REDIC1: variants seen among roughly 807,000 people sequenced by gnomAD.
REDIC1 encodes regulator of DNA class I crossover intermediates 1.
the REDIC1 span, among the ~76,000 whole-genome samples, chr12:39,665,369 G>T: frequency 6.6e-6 from 1 of 152,152 alleles, no homozygotes; most frequent in Non-Finnish European, 1.5e-5. Flanking sequence ...GTTTGTCAAA[G>T]ATCAGATGGT....
the REDIC1 span, among the ~76,000 whole-genome samples, chr12:39,710,593 G>C: frequency 6.6e-6 from 1 of 151,648 alleles, no homozygotes; most frequent in African/African-American, 2.4e-5. Flanking sequence ...CCATATGTTA[G>C]TTTTTCATAT....
chr12:39,768,460 C>G, the REDIC1 span, among the ~76,000 whole-genome samples: 2 of 152,110 alleles, frequency 1.3e-5, no homozygotes, highest in Non-Finnish European at 2.9e-5. Flanking sequence ...TTTCAATATG[C>G]CTTCCTCATT....
At chr12:39,711,159 G>A in the REDIC1 span, among the ~76,000 whole-genome samples, 2 of 151,136 alleles carry the variant, frequency 1.3e-5, no homozygotes, top group Admixed American at 6.6e-5. Flanking sequence ...TCCCATTCCT[G>A]AGTTATTTCA....
chr12:39,727,233 T>G, the REDIC1 span, among the ~76,000 whole-genome samples: 1 of 152,222 alleles, frequency 6.6e-6, no homozygotes, highest in Non-Finnish European at 1.5e-5. Context: ...CCCATGCCTA[T>G]GTCCTGAATG....
At chr12:39,838,591 C>T in the REDIC1 span, among the ~76,000 whole-genome samples, 20 of 150,642 alleles carry the variant, frequency 1.3e-4, no homozygotes, top group Non-Finnish European at 1.9e-4. Context: ...ACAAAACTGG[C>T]TCTAAAACCT....
At chr12:39,683,762 C>T in the REDIC1 span, among the ~76,000 whole-genome samples, 6 of 151,536 alleles carry the variant, frequency 4.0e-5, no homozygotes, top group Non-Finnish European at 7.4e-5. Flanking sequence ...AAACTCATAT[C>T]CGCCAGAATG....
chr12:39,724,354 T>C, the REDIC1 span, among the ~76,000 whole-genome samples: 1 of 152,176 alleles, frequency 6.6e-6, no homozygotes, highest in South Asian at 2.1e-4. Context: ...CAGTAGGTCC[T>C]GGGAATCTGT....
chr12:39,713,097 G>A, the REDIC1 span, among the ~76,000 whole-genome samples: 5 of 147,704 alleles, frequency 3.4e-5, no homozygotes, highest in Non-Finnish European at 7.5e-5. Context: ...GTGTAGATAT[G>A]TGCATATACG....
the REDIC1 span, among the ~76,000 whole-genome samples, chr12:39,841,390 C>G: frequency 6.2e-3 from 942 of 152,190 alleles, 12 homozygotes; most frequent in African/African-American, 0.021. Context: ...CACCAATGAA[C>G]TCTCTAATGG....
the REDIC1 span, among the ~76,000 whole-genome samples, chr12:39,639,841 T>G: frequency 0.45 from 68,265 of 151,764 alleles, 16,289 homozygotes; most frequent in Non-Finnish European, 0.51. Flanking sequence ...CAGTGTCATT[T>G]TACTTATTCT....
At chr12:39,645,679 A>G in the REDIC1 span, among the ~76,000 whole-genome samples, 14 of 152,128 alleles carry the variant, frequency 9.2e-5, no homozygotes, top group African/African-American at 3.1e-4. Context: ...TTTTGCTTAT[A>G]ACTAGCAGAA....
the REDIC1 span, among the ~76,000 whole-genome samples, chr12:39,811,710 A>G: frequency 2.0e-5 from 3 of 152,188 alleles, no homozygotes; most frequent in African/African-American, 4.8e-5. Context: ...CCACTTTATT[A>G]TAAGCCATCC....
At chr12:39,763,405 A>G in the REDIC1 span, among the ~76,000 whole-genome samples, 143 of 152,220 alleles carry the variant, frequency 9.4e-4, 2 homozygotes, top group African/African-American at 3.2e-3. Context: ...CATATTCACC[A>G]TTCATCTGCA....
the REDIC1 span, among the ~76,000 whole-genome samples, chr12:39,884,019 G>A: frequency 2.0e-5 from 3 of 152,236 alleles, no homozygotes; most frequent in East Asian, 5.8e-4. Flanking sequence ...CCTATAATAA[G>A]CATGTATTAT....
the REDIC1 span, among the ~76,000 whole-genome samples, chr12:39,834,555 A>AAACT: frequency 2.0e-5 from 3 of 152,014 alleles, no homozygotes; most frequent in Non-Finnish European, 4.4e-5. Flanking sequence ...AAAGCATGAA[A>AAACT]AACTATTCCT....
the REDIC1 span, among the ~76,000 whole-genome samples, chr12:39,890,574 T>C: frequency 6.6e-6 from 1 of 152,234 alleles, no homozygotes; most frequent in African/African-American, 2.4e-5. Flanking sequence ...CTGTCAGATT[T>C]CTGACATACT....
At chr12:39,688,932 G>GA in the REDIC1 span, among the ~76,000 whole-genome samples, 319 of 152,192 alleles carry the variant, frequency 2.1e-3, 1 homozygote, top group Non-Finnish European at 7.9e-4. Flanking sequence ...GAGGTGGCAG[G>GA]AAAAAGGTTA....
chr12:39,705,229 C>G, the REDIC1 span, among the ~76,000 whole-genome samples: 2 of 151,836 alleles, frequency 1.3e-5, no homozygotes, highest in South Asian at 4.2e-4. Flanking sequence ...AGGACAAATT[C>G]CTAGACACAC....
the REDIC1 span, among the ~76,000 whole-genome samples, chr12:39,700,084 A>T: frequency 6.6e-6 from 1 of 152,368 alleles, no homozygotes; most frequent in Middle Eastern, 3.4e-3. Context: ...ACAAAGCTGG[A>T]CGGAGAATGA....
Sources: allele counts gnomAD v4.1 joint callset (sites outside exome capture counted in the v4.1 genomes callset), GRCh38; gene constraint gnomAD v4.1.1; transcripts MANE v1.5; gene names NCBI Gene and HGNC (gene_info 2026-07-23, HGNC 2026-07-21).